Variants in HIVEP3 observed in about 807,000 individuals in gnomAD.
HIVEP3 encodes the protein transcription factor HIVEP3.
HIVEP3 carries 49 observed loss-of-function variants against 152.8 expected under a neutral mutation model. The ratio of observed to expected loss-of-function variants is 0.32; its 90% CI spans 0.26 to 0.41. The LOEUF (loss-of-function observed/expected upper bound fraction) is 0.41. Among genes scored for constraint, HIVEP3 ranks in the 10% least tolerant of loss-of-function variants. HIVEP3 has a pLI of 1.00. For missense variants in HIVEP3, 2,790 were observed against 3,103.3 expected (o/e 0.90, Z 2.40); for synonymous variants, 1,269 against 1,289.0 (o/e 0.98, Z 0.33).
chr1:41,562,601 T>TTCTCTCTCTCTCTCTCTCTCTC (rs72509109), intron 5 of HIVEP3, among the ~76,000 whole-genome samples: 8 of 126,250 alleles, frequency 6.3e-5, no homozygotes, highest in South Asian at 2.8e-4. Context: ...CTTCCTTTCT[T>TTCTCTCTCTCTCTCTCTCTCTC]TCTCTCTCTC....
At chr1:41,838,729 A>G (rs1400359865) in intron 1 of HIVEP3, among the ~76,000 whole-genome samples, 2 of 152,186 alleles carry the variant, frequency 1.3e-5, no homozygotes, top group Non-Finnish European at 1.5e-5. Flanking sequence ...TAATACCAGT[A>G]TCAGGGATCC....
chr1:41,531,306 G>T (rs1223156915), intron 5 of HIVEP3, among the ~76,000 whole-genome samples: 1 of 87,432 alleles, frequency 1.1e-5, no homozygotes, highest in Admixed American at 1.2e-4. Flanking sequence ...CAGGAGAGAT[G>T]GAGGACAGGG....
At chr1:41,687,156 G>C (rs1378579388) in intron 2 of HIVEP3, among the ~76,000 whole-genome samples, 1 of 152,232 alleles carries the variant, frequency 6.6e-6, no homozygotes, top group Non-Finnish European at 1.5e-5. Flanking sequence ...AGAGGAAACA[G>C]TAAGTGCAAA....
At chr1:41,570,334 G>C (rs1237453824) in intron 5 of HIVEP3, among the ~76,000 whole-genome samples, 1 of 152,182 alleles carries the variant, frequency 6.6e-6, no homozygotes, top group Non-Finnish European at 1.5e-5. Flanking sequence ...ATCCCCATGT[G>C]TCAAGGGAGA....
chr1:41,924,542 T>C (rs1644958263), intron 1 of HIVEP3, among the ~76,000 whole-genome samples: 1 of 152,166 alleles, frequency 6.6e-6, no homozygotes, highest in Non-Finnish European at 1.5e-5. Flanking sequence ...GTTGGAGTTG[T>C]TACGGCCCTA....
intron 1 of HIVEP3, among the ~76,000 whole-genome samples, chr1:41,847,033 A>AAGGGC (rs1643463513): frequency 6.6e-6 from 1 of 152,240 alleles, no homozygotes; most frequent in Non-Finnish European, 1.5e-5. Context: ...GCATCCAGGA[A>AAGGGC]AGGGCATATG....
intron 2 of HIVEP3, among the ~76,000 whole-genome samples, chr1:41,651,411 CAA>C (rs35508121): frequency 0.017 from 1,549 of 89,062 alleles, 3 homozygotes; most frequent in African/African-American, 0.033. Context: ...AACTCCATCT[CAA>C]AAAAAAAAAA....
intron 1 of HIVEP3, among the ~76,000 whole-genome samples, chr1:41,861,729 C>T (rs982836080): frequency 6.6e-6 from 1 of 152,186 alleles, no homozygotes; most frequent in Non-Finnish European, 1.5e-5. Flanking sequence ...AGGTCTGAAT[C>T]CCACACAGAG....
intron 1 of HIVEP3, among the ~76,000 whole-genome samples, chr1:42,014,924 C>T (rs1645513288): frequency 1.3e-5 from 2 of 152,178 alleles, no homozygotes; most frequent in Admixed American, 1.3e-4. Flanking sequence ...AGGTCTCATT[C>T]TGTGGCTTTC....
chr1:41,850,827 G>A (rs573019744), intron 1 of HIVEP3, among the ~76,000 whole-genome samples: 2 of 152,330 alleles, frequency 1.3e-5, no homozygotes, highest in Non-Finnish European at 2.9e-5. Flanking sequence ...GAACTGCAGT[G>A]ATGATAGCCC....
chr1:41,750,409 C>T (rs2124222478), intron 1 of HIVEP3, among the ~76,000 whole-genome samples: 1 of 152,270 alleles, frequency 6.6e-6, no homozygotes, highest in African/African-American at 2.4e-5. Context: ...TAAGTGAGCC[C>T]ACTCAAAGCA....
Position 41,862,378 on chromosome 1 carries a change from C to T in HIVEP3, c.-801+56035G>A, listed in dbSNP as rs115382184. Among the ~76,000 whole-genome samples the T allele has an allele frequency of 5.9e-3, 899 of 152,324 alleles. 1 individual carries two copies. The highest frequency in any genetic ancestry group is 0.01 in the Non-Finnish European group (688 of 68,022). On this transcript the variant is annotated intron_variant, in intron 1 of 8. Transcript: ENST00000372583. ...GATAGAAATCCTCAGAAATCCAGAA[C>T]TCTAATCCTTCCTTCTGCTGAAATA...
At chr1:41,712,463 G>A (rs577716131) in intron 1 of HIVEP3, among the ~76,000 whole-genome samples, 3 of 152,334 alleles carry the variant, frequency 2.0e-5, no homozygotes, top group Non-Finnish European at 4.4e-5. Context: ...GTAACATCAG[G>A]GTGTGTAAGC....
At position 41,583,133 on chromosome 1, in the gene HIVEP3, G is replaced by T. The variant is rs748240870; in HGVS notation, c.1665C>A (p.His555Gln). ...CGAAGGAGTAGCTACCTCGGAAGGG[G>T]TGGTGGGGGGTGCTGATAGTGCAGG... is the stretch of plus-strand genomic sequence containing the variant. ...SAACTISTPH[H>Q]PFRGSYSFDD... is the part of the protein sequence containing the mutation. Residue 555 changes from histidine (H) to glutamine (Q), a missense_variant, in exon 4 of 9, where the codon CAC (histidine) becomes CAA (glutamine). Transcript: ENST00000372583. This position sits in a 1 kb window ranked among gnomAD's most constrained non-coding sequence, Gnocchi z 6.9. 3 of 1,613,586 alleles carry T rather than the reference G, an allele frequency of 1.9e-6. No homozygotes were observed. In the Admixed American group the frequency reaches 5.0e-5, roughly 27 times the overall value.
intron 1 of HIVEP3, among the ~76,000 whole-genome samples, chr1:41,992,037 A>G (rs527893012): frequency 1.3e-5 from 2 of 149,894 alleles, no homozygotes; most frequent in East Asian, 3.9e-4. Flanking sequence ...CCCACAGCCA[A>G]TATCATACTG....
At chr1:41,761,970 C>T (rs1647715233) in intron 1 of HIVEP3, among the ~76,000 whole-genome samples, 1 of 152,204 alleles carries the variant, frequency 6.6e-6, no homozygotes, top group Admixed American at 6.5e-5. Context: ...GATTGAGAAC[C>T]TCTCTTTCCA....
At chr1:41,962,454 G>A (rs1259351742) in intron 1 of HIVEP3, among the ~76,000 whole-genome samples, 2 of 152,184 alleles carry the variant, frequency 1.3e-5, no homozygotes, top group Non-Finnish European at 1.5e-5. Flanking sequence ...CAAATTACTC[G>A]ACAATTCATA....
At chr1:41,961,315 C>T (rs563504571) in intron 1 of HIVEP3, among the ~76,000 whole-genome samples, 11 of 152,226 alleles carry the variant, frequency 7.2e-5, no homozygotes, top group Non-Finnish European at 1.0e-4. Flanking sequence ...GAATCCCTGA[C>T]CCACATCAAT....
intron 1 of HIVEP3, among the ~76,000 whole-genome samples, chr1:42,008,070 T>C (rs946957851): frequency 6.6e-6 from 1 of 152,208 alleles, no homozygotes; most frequent in Non-Finnish European, 1.5e-5. Flanking sequence ...TCATATTCTG[T>C]TATTGTATTT....
Sources: allele counts gnomAD v4.1 joint callset (sites outside exome capture counted in the v4.1 genomes callset), GRCh38; gene constraint gnomAD v4.1.1; non-coding constraint Gnocchi (gnomAD v3.1); transcripts MANE v1.5; gene names NCBI Gene and HGNC (gene_info 2026-07-23, HGNC 2026-07-21).